The following B4GALT7 variants were observed in gnomAD, a reference collection of about 807,000 sequenced individuals.
B4GALT7 encodes beta-1,4-galactosyltransferase 7.
A neutral mutation model predicts 33.0 loss-of-function variants in B4GALT7; 30 were observed. That is an observed-to-expected ratio of 0.91 (90% CI 0.68 to 1.23). B4GALT7 has a LOEUF of 1.23. B4GALT7 is among the 50% of genes most tolerant of loss of function. B4GALT7 has a pLI of 0.00. For synonymous variants in B4GALT7, 213 were observed against 187.2 expected (o/e 1.14, Z -1.13); for missense variants, 507 against 450.8 (o/e 1.12, Z -1.13).
In B4GALT7 at chr5:177,608,493, C is replaced by A. The variant is rs766200816; in HGVS notation, c.640-46C>A. The A allele has an allele frequency of 1.9e-6, 3 of 1,561,628 alleles. No individual in the cohort carries two copies. The highest frequency in any genetic ancestry group is 1.1e-5 in the South Asian group (1 of 89,620). On this transcript the variant is annotated intron_variant, in intron 3 of 5. Transcript: ENST00000029410. This position sits in a 1 kb window ranked among gnomAD's most constrained non-coding sequence, Gnocchi z 4.1. Reference sequence around the variant, plus strand: ...GAGCGGTAGGAGACCAAAGGCCCCCCCCCCCGGGAAGATGGGCCGAGTGAC... The same window carrying A: ...GAGCGGTAGGAGACCAAAGGCCCCCACCCCCGGGAAGATGGGCCGAGTGAC...
At chr5:177,602,844 G>A (rs1315602036) in intron 1 of B4GALT7, 1 of 981,296 alleles carries the variant, frequency 1.0e-6, no homozygotes, top group Non-Finnish European at 1.2e-6. Flanking sequence ...AGATGAGTGA[G>A]GAAGGATCAG....
At chr5:177,601,130 G>T (rs1409580627) in intron 1 of B4GALT7, among the ~76,000 whole-genome samples, 1 of 152,084 alleles carries the variant, frequency 6.6e-6, no homozygotes, top group African/African-American at 2.4e-5. Context: ...TAAGATTCTG[G>T]AATTTAGTGG....
In B4GALT7 at chr5:177,608,736, TG is replaced by T; in HGVS notation, c.723+115del. 8.5e-7 allele frequency: 1 copy of T among 1,174,166 alleles called. No individual in the cohort carries two copies. Among genetic ancestry groups the T allele is most frequent in the Non-Finnish European group, 1.2e-6 (1 of 803,162 alleles). 72.7% of individuals were successfully genotyped at this position (1,174,166 alleles called of 1,614,324 possible). A position where few individuals can be genotyped will look rare whatever the true frequency, so the allele number is the denominator to read the frequency against. ...TGGAGATGGCCCTGATTCTGATCCC[TG>T]CCCTAACCCTGCCCTGCATGGTCAT... On this transcript the variant is annotated intron_variant, in intron 4 of 5. Transcript: ENST00000029410. The surrounding 1 kb of genome is among the most constrained non-coding windows in gnomAD (Gnocchi z 4.1).
chr5:177,602,506 A>T (rs181827702), intron 1 of B4GALT7, among the ~76,000 whole-genome samples: 1 of 152,282 alleles, frequency 6.6e-6, no homozygotes, highest in African/African-American at 2.4e-5. Context: ...GGAATACAAA[A>T]GTGGGAGCAT....
In B4GALT7 at chr5:177,607,541, A is replaced by C. The variant is rs2127513391; in HGVS notation, c.639+14A>C. ...CACTACCGGCTGGTGAGGCCCGGACAGCCTGCTCTGCTCAGAGCCGGGAGC... is the reference window on the plus strand; with the variant it reads ...CACTACCGGCTGGTGAGGCCCGGACCGCCTGCTCTGCTCAGAGCCGGGAGC... On this transcript the variant is annotated intron_variant, in intron 3 of 5. Coordinates refer to ENST00000029410, the MANE Select transcript of B4GALT7 (RefSeq NM_007255.3). 6.2e-7 allele frequency: 1 copy of C among 1,606,768 alleles called. No homozygotes were observed. The highest frequency in any genetic ancestry group is 1.1e-5 in the South Asian group (1 of 91,048).
At position 177,608,561 on chromosome 5, in the gene B4GALT7, T is replaced by TCTGGGG. The variant is rs761877378; in HGVS notation, c.670_675dup (p.Trp224_Gly225dup). ...CAGTGCAATGGGATGTCCAACCGCT[T>TCTGGGG]CTGGGGCTGGGGCCGCGAGGACGAC... On this transcript the variant is annotated inframe_insertion, in exon 4 of 6. Coordinates refer to ENST00000029410, the MANE Select transcript of B4GALT7 (RefSeq NM_007255.3). The surrounding 1 kb of genome is among the most constrained non-coding windows in gnomAD (Gnocchi z 4.1). 3 of 1,613,818 alleles carry TCTGGGG rather than the reference T, an allele frequency of 1.9e-6. No individual in the cohort carries two copies. Among genetic ancestry groups the TCTGGGG allele is most frequent in the South Asian group, 1.1e-5 (1 of 91,076 alleles).
At position 177,608,970 on chromosome 5, in the gene B4GALT7, G is replaced by A. The variant is rs1162744165; in HGVS notation, c.784G>A (p.Ala262Thr). 6.2e-7 allele frequency: 1 copy of A among 1,613,198 alleles called. No individual in the cohort carries two copies. Among genetic ancestry groups the A allele is most frequent in the African/African-American group, 1.3e-5 (1 of 74,942 alleles). The change falls in exon 5 of 6, where the codon GCC becomes ACC. Residue 262 changes from alanine (A) to threonine (T), a missense_variant. By Grantham distance (58) the Ala-to-Thr change is moderately conservative. Coordinates refer to ENST00000029410, the MANE Select transcript of B4GALT7 (RefSeq NM_007255.3). This position sits in a 1 kb window ranked among gnomAD's most constrained non-coding sequence, Gnocchi z 4.1. ...YKTFRHLHDP[A>T]WRKRDQKRIA... is the part of the protein sequence containing the mutation. ...GACATTTCGCCACCTGCATGACCCA[G>A]CCTGGCGGAAGAGGGACCAGAAGCG...
chr5:177,600,314 C>T lies in B4GALT7; in HGVS notation c.50+54C>T, dbSNP rs1561812506. On this transcript the variant is annotated intron_variant, in intron 1 of 5. Transcript: ENST00000029410. This position sits in a 1 kb window ranked among gnomAD's most constrained non-coding sequence, Gnocchi z 4.4. ...GTCCTCCCGGGCGCCGCTCCCTTCT[C>T]GGCCGCCGGCGGAATCTGGGAACCC... 2.4e-6 allele frequency: 3 copies of T among 1,267,850 alleles called. No individual in the cohort carries two copies. The highest frequency in any genetic ancestry group is 3.0e-6 in the Non-Finnish European group (3 of 997,096). 78.5% of individuals were successfully genotyped at this position (1,267,850 alleles called of 1,614,324 possible).
intron 1 of B4GALT7, 33 bp from the exon 2 acceptor site, chr5:177,604,146 C>T (rs760780051): frequency 1.2e-6 from 2 of 1,612,558 alleles, no homozygotes; most frequent in Admixed American, 3.3e-5. Flanking sequence ...AGCCCTGCCC[C>T]GCCCTCCTGA....
In B4GALT7 at chr5:177,608,796, CCT is replaced by C. The variant is rs1768091894; in HGVS notation, c.724-110_724-109del. 1 of 1,148,320 alleles carries C rather than the reference CCT, an allele frequency of 8.7e-7. No homozygotes were observed. The highest frequency in any genetic ancestry group is 1.3e-6 in the Non-Finnish European group (1 of 771,434). The allele number at this position is 1,148,320 out of a possible 1,614,324, so 71.1% of individuals were successfully genotyped here. ...TTCCTTGCCCTGTGGGCCCCAGTCTCCTCTCCTGCAGGCTGGGAGTGCAGGTC... is the reference window on the plus strand; with the variant it reads ...TTCCTTGCCCTGTGGGCCCCAGTCTCCTCCTGCAGGCTGGGAGTGCAGGTC... On this transcript the variant is annotated intron_variant, in intron 4 of 5. Coordinates refer to ENST00000029410, the MANE Select transcript of B4GALT7 (RefSeq NM_007255.3). This position sits in a 1 kb window ranked among gnomAD's most constrained non-coding sequence, Gnocchi z 4.1.
rs73337768 is a variant in B4GALT7, at chr5:177,602,619, G to A, written c.51-1560G>A. ...AAGAAGGACATTTCAGGCAGAAGGAGCAGGCTGTGTGAGGGCTGGAGCAGG... is the reference window on the plus strand; with the variant it reads ...AAGAAGGACATTTCAGGCAGAAGGAACAGGCTGTGTGAGGGCTGGAGCAGG... On this transcript the variant is annotated intron_variant, in intron 1 of 5. Coordinates refer to ENST00000029410, the MANE Select transcript of B4GALT7 (RefSeq NM_007255.3). 3.3e-3 allele frequency among the ~76,000 whole-genome samples: 498 copies of A among 152,258 alleles called. 1 individual carries two copies. The highest frequency in any genetic ancestry group is 0.012 in the African/African-American group (485 of 41,540).
At position 177,607,274 on chromosome 5, in the gene B4GALT7, C is replaced by T. The variant is rs558130594; in HGVS notation, c.414-28C>T. ...CCAGGCAGTGAGCCCGTGTGCTGCCCCTGCCCAGCCTTGCCCACCCTGCAC... is the reference window on the plus strand; with the variant it reads ...CCAGGCAGTGAGCCCGTGTGCTGCCTCTGCCCAGCCTTGCCCACCCTGCAC... On this transcript the variant is annotated intron_variant, in intron 2 of 5. Coordinates refer to ENST00000029410, the MANE Select transcript of B4GALT7 (RefSeq NM_007255.3). 8.9e-6 allele frequency: 14 copies of T among 1,570,164 alleles called. No individual in the cohort carries two copies. The South Asian group carries it at 1.5e-4, about 17-fold the overall frequency.
In B4GALT7 at chr5:177,600,153, G is replaced by T. The variant is rs1473001804; in HGVS notation, c.-58G>T. 2 of 1,197,158 alleles carry T rather than the reference G, an allele frequency of 1.7e-6. No homozygotes were observed. Among genetic ancestry groups the T allele is most frequent in the Non-Finnish European group, 2.1e-6 (2 of 960,162 alleles). 74.2% of individuals were successfully genotyped at this position (1,197,158 alleles called of 1,614,324 possible). A position where few individuals can be genotyped will look rare whatever the true frequency, so the allele number is the denominator to read the frequency against. ...AGGCGGAGGCGCCGCGTAGGCCCGG[G>T]AGGCCGGGCCGGCCGGGCTGCGAGC... On this transcript the variant is annotated 5_prime_UTR_variant, in exon 1 of 6. Coordinates refer to ENST00000029410, the MANE Select transcript of B4GALT7 (RefSeq NM_007255.3). The surrounding 1 kb of genome is among the most constrained non-coding windows in gnomAD (Gnocchi z 4.4).
rs140590638 is a variant in B4GALT7, at chr5:177,604,439, G to T, written c.311G>T (p.Arg104Leu). 13 of 1,613,984 alleles carry T rather than the reference G, an allele frequency of 8.1e-6. No homozygotes were observed. Among genetic ancestry groups the T allele is most frequent in the Non-Finnish European group, 1.1e-5 (13 of 1,179,926 alleles). ...GCAGTGCTGGTGCCCTTCCGCGAAC[G>T]CTTCGAGGAGCTCCTGGTCTTCGTG... The part of the protein sequence containing the change: ...RLAVLVPFRE[R>L]FEELLVFVPH... The change falls in exon 2 of 6, where the codon CGC becomes CTC. Residue 104 changes from arginine (R) to leucine (L), a missense_variant. Physicochemically the swap from Arg to Leu is moderately radical, Grantham distance 102. Transcript: ENST00000029410.
At chr5:177,603,499 C>G (rs553235605) in intron 1 of B4GALT7, 66 of 400,932 alleles carry the variant, frequency 1.6e-4, no homozygotes, top group African/African-American at 1.4e-3. Context: ...CTTTCTTTCC[C>G]TCTCCATCTC....
At chr5:177,603,882 C>G (rs1467769576) in intron 1 of B4GALT7, among the ~76,000 whole-genome samples, 1 of 152,118 alleles carries the variant, frequency 6.6e-6, no homozygotes, top group African/African-American at 2.4e-5. Flanking sequence ...CAGCTCTGAC[C>G]AGGACTCAGT....
chr5:177,601,439 T>C (rs1767840053), intron 1 of B4GALT7: 1 of 152,252 alleles, frequency 6.6e-6, no homozygotes, highest in Admixed American at 6.5e-5. Context: ...TGAGGTCCTG[T>C]AACCAGAGCA....
At position 177,606,874 on chromosome 5, in the gene B4GALT7, C is replaced by T. The variant is rs1028018953; in HGVS notation, c.414-428C>T. 1 of 339,094 alleles carries T rather than the reference C, an allele frequency of 2.9e-6. No homozygotes were observed. The highest frequency in any genetic ancestry group is 5.8e-6 in the Non-Finnish European group (1 of 171,854). The allele number at this position is 339,094 out of a possible 1,614,324, so 21.0% of individuals were successfully genotyped here. On this transcript the variant is annotated intron_variant, in intron 2 of 5. Transcript: ENST00000029410. The surrounding 1 kb of genome is among the most constrained non-coding windows in gnomAD (Gnocchi z 4.2). ...AGGCACCCACTGCCCTGTGGGTCATCTCTTCAGGCCTTCAGGTTTCTGTCA... is the reference window on the plus strand; with the variant it reads ...AGGCACCCACTGCCCTGTGGGTCATTTCTTCAGGCCTTCAGGTTTCTGTCA...
At chr5:177,605,191 A>G in intron 2 of B4GALT7, 1 of 372,584 alleles carries the variant, frequency 2.7e-6, no homozygotes, top group East Asian at 7.7e-5. Flanking sequence ...CTGGAGTCCA[A>G]GGTCCATCAT....
Sources: allele counts gnomAD v4.1 joint callset (sites outside exome capture counted in the v4.1 genomes callset), GRCh38; gene constraint gnomAD v4.1.1; non-coding constraint Gnocchi (gnomAD v3.1); transcripts MANE v1.5; gene names NCBI Gene and HGNC (gene_info 2026-07-23, HGNC 2026-07-21).